The following SMARCA4 variants were observed in gnomAD, a reference collection of about 807,000 sequenced individuals.
SMARCA4 encodes the protein SWI/SNF related BAF chromatin remodeling complex subunit ATPase 4.
A neutral mutation model predicts 193.9 loss-of-function variants in SMARCA4; 31 were observed. That is an observed-to-expected ratio of 0.16 (90% confidence interval 0.12 to 0.22). SMARCA4 has a LOEUF of 0.22. Among genes scored for constraint, SMARCA4 ranks in the 10% least tolerant of loss-of-function variants. SMARCA4 has a pLI of 1.00. For missense variants in SMARCA4, 1,148 were observed against 2,296.0 expected, an observed-to-expected ratio of 0.50 and a Z score of 10.22; for synonymous variants, 942 against 933.1, an observed-to-expected ratio of 1.01 and a Z score of -0.17.
Position 10,987,729 on chromosome 19 carries a change from C to A in SMARCA4, c.923C>A (p.Thr308Lys), listed in dbSNP as rs770322996. The change falls in exon 6 of 35, where the codon ACG becomes AAG. Residue 308 changes from threonine to lysine, a missense_variant. Physicochemically the swap from Thr to Lys is moderately conservative, Grantham distance 78 (BLOSUM62 -1). Coordinates refer to ENST00000344626, the MANE Select transcript of SMARCA4 (RefSeq NM_003072.5). The surrounding 1 kb of genome is among the most constrained non-coding windows in gnomAD (Gnocchi z 5.3). ...CAGAAGCTGATTCCCCCGCAGCCAA[C>A]GGGCCGCCCTTCCCCCGCGCCCCCT... ...TPQKLIPPQP[T>K]GRPSPAPPAV... 1 of 1,608,196 alleles carries A rather than the reference C, an allele frequency of 6.2e-7. No individual in the cohort carries two copies. Among genetic ancestry groups the A allele is most frequent in the Non-Finnish European group, 8.5e-7 (1 of 1,176,850 alleles).
intron 30 of SMARCA4, among the ~76,000 whole-genome samples, chr19:11,053,554 C>T (rs1184844845): frequency 6.6e-6 from 1 of 152,018 alleles, no homozygotes; most frequent in Non-Finnish European, 1.5e-5. Flanking sequence ...GTCTGTGGTT[C>T]CCTTCATGGA....
In SMARCA4 at chr19:11,010,536, G is replaced by A. The variant is rs775519333; in HGVS notation, c.2274+5G>A. 1 of 1,613,284 alleles carries A rather than the reference G, an allele frequency of 6.2e-7. No individual in the cohort carries two copies. Among genetic ancestry groups the A allele is most frequent in the Non-Finnish European group, 8.5e-7 (1 of 1,179,962 alleles). On this transcript the variant is annotated splice_donor_5th_base_variant and intron_variant, in intron 15 of 34. Transcript: ENST00000344626. Reference sequence around the variant, plus strand: ...GGTGTCCTCAAACAGTACCAGGTGAGGTAGGGGGTGGGGAGGCCACCGCCA... The same window carrying A: ...GGTGTCCTCAAACAGTACCAGGTGAAGTAGGGGGTGGGGAGGCCACCGCCA...
intron 16 of SMARCA4, among the ~76,000 whole-genome samples, chr19:11,013,808 C>T (rs1287075664): frequency 6.6e-6 from 1 of 152,190 alleles, no homozygotes; most frequent in African/African-American, 2.4e-5. Flanking sequence ...CGGGCACATC[C>T]CAGCATGGCC....
At chr19:10,973,098 G>A (rs2084812290) in intron 1 of SMARCA4, among the ~76,000 whole-genome samples, 2 of 149,314 alleles carry the variant, frequency 1.3e-5, no homozygotes, top group African/African-American at 5.0e-5. Flanking sequence ...GACAGAGCCA[G>A]AGTCCATCTA....
intron 13 of SMARCA4, among the ~76,000 whole-genome samples, chr19:11,004,339 C>T (rs2087969574): frequency 6.6e-6 from 1 of 151,930 alleles, no homozygotes; most frequent in African/African-American, 2.4e-5. Flanking sequence ...ACCTCCGCCT[C>T]CCGGGTTCAA....
intron 15 of SMARCA4, chr19:11,011,564 G>A (rs1308799092): frequency 6.6e-6 from 1 of 152,196 alleles, no homozygotes; most frequent in African/African-American, 2.4e-5. Context: ...TTTTGTGCTA[G>A]TATCAACATT....
intron 33 of SMARCA4, 71 bp from the exon 34 acceptor site, chr19:11,059,974 A>G (rs1600646356): frequency 6.2e-7 from 1 of 1,612,244 alleles, no homozygotes; most frequent in East Asian, 2.2e-5. Context: ...CCCGGCTCCC[A>G]GACGCCCCTT....
chr19:11,055,291 G>C (rs1380895526), intron 30 of SMARCA4, among the ~76,000 whole-genome samples: 1 of 152,168 alleles, frequency 6.6e-6, no homozygotes, highest in Admixed American at 6.5e-5. Context: ...CCAGGTTCAG[G>C]TGATTCTCCT....
Position 11,030,643 on chromosome 19 carries a change from C to A in SMARCA4, c.3383-87C>A. ...GATGCTGGCAGGTGCTGATCCTGCT[C>A]CTGCTCTCAGAAGCAGGTGTTCCTT... On this transcript the variant is annotated intron_variant, in intron 24 of 34. Transcript: ENST00000344626. The surrounding 1 kb of genome is among the most constrained non-coding windows in gnomAD (Gnocchi z 5.5). 7.9e-7 allele frequency: 1 copy of A among 1,258,744 alleles called. No individual in the cohort carries two copies. The allele number at this position is 1,258,744 out of a possible 1,614,324, so 78.0% of individuals were successfully genotyped here.
At chr19:11,029,928 A>G (rs1169362545) in intron 24 of SMARCA4, among the ~76,000 whole-genome samples, 1 of 152,082 alleles carries the variant, frequency 6.6e-6, no homozygotes, top group East Asian at 1.9e-4. Flanking sequence ...CACCCACCTC[A>G]GCCTCCCAAA....
Position 11,019,908 on chromosome 19 carries a change from C to A in SMARCA4, c.2616+207C>A. Reference sequence around the variant, plus strand: ...AACTGTCTCCAGGCAGGCCCTGAGTCAGGCCCAGAAGCTGGGGCCATCTAC... The same window carrying A: ...AACTGTCTCCAGGCAGGCCCTGAGTAAGGCCCAGAAGCTGGGGCCATCTAC... On this transcript the variant is annotated intron_variant, in intron 18 of 34. Transcript: ENST00000344626. This position sits in a 1 kb window ranked among gnomAD's most constrained non-coding sequence, Gnocchi z 6.1. Among the ~76,000 whole-genome samples the A allele has an allele frequency of 6.6e-6, 1 of 151,942 alleles. No individual in the cohort carries two copies. The highest frequency in any genetic ancestry group is 1.5e-5 in the Non-Finnish European group (1 of 67,932).
At chr19:11,017,431 G>A (rs1488547563) in intron 16 of SMARCA4, among the ~76,000 whole-genome samples, 4 of 152,264 alleles carry the variant, frequency 2.6e-5, no homozygotes, top group Admixed American at 2.6e-4. Flanking sequence ...ACCTGGGCAA[G>A]CGTCCATGCT....
In SMARCA4 at chr19:10,987,565, G is replaced by T. The variant is rs2086164952; in HGVS notation, c.860-101G>T. 2.9e-6 allele frequency: 4 copies of T among 1,391,770 alleles called. No homozygotes were observed. The East Asian group carries it at 9.2e-5, about 32-fold the overall frequency. 86.2% of individuals were successfully genotyped at this position (1,391,770 alleles called of 1,614,324 possible). ...GAAAGGTGGGAGATGGGCGGGGTCT[G>T]CCTGTCCCCAGTGCCTCAAGCAGCT... is the stretch of plus-strand genomic sequence containing the variant. On this transcript the variant is annotated intron_variant, in intron 5 of 34. Coordinates refer to ENST00000344626, the MANE Select transcript of SMARCA4 (RefSeq NM_003072.5). The surrounding 1 kb of genome is among the most constrained non-coding windows in gnomAD (Gnocchi z 5.3).
Position 11,035,109 on chromosome 19 carries a change from C to T in SMARCA4, c.4147C>T (p.Leu1383=), listed in dbSNP as rs202144626. ...HRKEVDYSDS[L]TEKQWLKAIE... ...CAAGGAGGTGGACTACAGCGACTCA[C>T]TGACGGAGAAGCAGTGGCTCAAGGT... The change falls in exon 29 of 35, where the codon CTG becomes TTG. Residue 1383 remains leucine, a synonymous_variant. Coordinates refer to ENST00000344626, the MANE Select transcript of SMARCA4 (RefSeq NM_003072.5). The T allele has an allele frequency of 3.7e-6, 6 of 1,612,844 alleles. No individual in the cohort carries two copies. The African/African-American group carries it at 6.7e-5, about 18-fold the overall frequency.
intron 22 of SMARCA4, 117 bp downstream of exon 22, chr19:11,025,625 G>A: frequency 2.6e-6 from 2 of 764,914 alleles, no homozygotes; most frequent in South Asian, 2.8e-5. Context: ...ATTAGGTAAT[G>A]CCTGTACATC....
At chr19:11,024,899 C>T (rs916675111) in intron 21 of SMARCA4, among the ~76,000 whole-genome samples, 2 of 152,002 alleles carry the variant, frequency 1.3e-5, no homozygotes, top group African/African-American at 4.8e-5. Flanking sequence ...GCCTGGCTTC[C>T]CCGAGACGTT....
intron 11 of SMARCA4, among the ~76,000 whole-genome samples, chr19:10,997,413 T>A (rs2087177773): frequency 6.6e-6 from 1 of 152,044 alleles, no homozygotes; most frequent in South Asian, 2.1e-4. Context: ...TTAGCCAGGA[T>A]GGTTTCAATC....
At chr19:11,061,111 C>T (rs1231597075) in intron 34 of SMARCA4, among the ~76,000 whole-genome samples, 1 of 149,486 alleles carries the variant, frequency 6.7e-6, no homozygotes, top group East Asian at 2.0e-4. Context: ...TCACTTGAGC[C>T]TGGGAGGTCG....
rs1220844507 is a variant in SMARCA4, at chr19:11,021,962, GA to G, written c.2858del (p.Lys953ArgfsTer4). 6.2e-7 allele frequency: 1 copy of G among 1,611,968 alleles called. No individual in the cohort carries two copies. Among genetic ancestry groups the G allele is most frequent in the Non-Finnish European group, 8.5e-7 (1 of 1,179,944 alleles). On this transcript the variant is annotated frameshift_variant, in exon 19 of 35. Transcript: ENST00000344626. LOFTEE classifies it high-confidence loss of function. ...WFNAPFAMTG[E>X]KVDLNEEETI... ...TAACGCACCCTTTGCCATGACCGGG[GA>G]AAAGGTGGGTTTGCCCAGCTGTGCC...
Sources: allele counts gnomAD v4.1 joint callset (sites outside exome capture counted in the v4.1 genomes callset), GRCh38; gene constraint gnomAD v4.1.1; non-coding constraint Gnocchi (gnomAD v3.1); transcripts MANE v1.5; gene names NCBI Gene and HGNC (gene_info 2026-07-23, HGNC 2026-07-21).